Variants in PTPRA observed in about 807,000 individuals in gnomAD.
The protein encoded by PTPRA is receptor-type tyrosine-protein phosphatase alpha.
A neutral mutation model predicts 104.8 loss-of-function variants in PTPRA; 25 were observed. The ratio of observed to expected loss-of-function variants is 0.24; its 90% CI spans 0.17 to 0.33. The LOEUF is 0.33. Ranked by LOEUF, PTPRA falls within the 10% of genes least tolerant of loss-of-function variation. PTPRA has a pLI of 1.00. For missense variants in PTPRA, 765 were observed against 1,015.3 expected (o/e 0.75, Z 3.35); for synonymous variants, 323 against 368.9 (o/e 0.88, Z 1.43).
the PTPRA span, chr20:2,866,166 G>A: frequency 5.3e-4 from 820 of 1,560,646 alleles, 1 homozygote; most frequent in Non-Finnish European, 6.6e-4. Context: ...GAGGACAGGA[G>A]GGCTGTGCAT....
At chr20:2,883,777 TA>T in intron 1 of PTPRA, among the ~76,000 whole-genome samples, 1 of 152,330 alleles carries the variant, frequency 6.6e-6, no homozygotes, top group South Asian at 2.1e-4. Flanking sequence ...TTCTCCTTTT[TA>T]AAATGTACAG....
chr20:2,941,695 A>G (rs2060926788), intron 2 of PTPRA, among the ~76,000 whole-genome samples: 1 of 152,134 alleles, frequency 6.6e-6, no homozygotes, highest in Non-Finnish European at 1.5e-5. Context: ...GCTTCCTGGC[A>G]CCTGCTCCCC....
intron 20 of PTPRA, 142 bp downstream of exon 20, chr20:3,027,983 AAGT>A (rs2065228375): frequency 1.7e-6 from 2 of 1,170,154 alleles, no homozygotes; most frequent in East Asian, 5.0e-5. Flanking sequence ...TGCATAGTAT[AAGT>A]ACATACTTAA....
intron 1 of PTPRA, among the ~76,000 whole-genome samples, chr20:2,911,366 T>C (rs934143964): frequency 6.4e-4 from 98 of 152,312 alleles, no homozygotes; most frequent in African/African-American, 2.3e-3. Context: ...GTTACTAAGC[T>C]GAATGATAAG....
intron 1 of PTPRA, among the ~76,000 whole-genome samples, chr20:2,916,881 TCTTC>T (rs898955536): frequency 5.5e-4 from 84 of 152,248 alleles, no homozygotes; most frequent in African/African-American, 1.9e-3. Flanking sequence ...CCAACTTTGT[TCTTC>T]CTTTTCAAGA....
At position 3,026,924 on chromosome 20, in the gene PTPRA, G is replaced by A. The variant is rs2065174130; in HGVS notation, c.1708+144G>A. The A allele has an allele frequency of 6.4e-6, 6 of 940,986 alleles. No homozygotes were observed. The East Asian group carries it at 1.5e-4, about 24-fold the overall frequency. The allele number at this position is 940,986 out of a possible 1,614,324, so 58.3% of individuals were successfully genotyped here. On this transcript the variant is annotated intron_variant, in intron 18 of 23. Transcript: ENST00000399903. ...TCTTGTTGCACCCACTTAACAACAT[G>A]GCGTTGCCTTTTGTTGCACCTTAGT...
Position 2,934,023 on chromosome 20 carries a change from T to C in PTPRA, c.-50+10738T>C, listed in dbSNP as rs146469123. Among the ~76,000 whole-genome samples the C allele has an allele frequency of 2.4e-3, 373 of 152,330 alleles. 2 individuals are homozygous for C. The South Asian group carries it at 0.028, about 11-fold the overall frequency. ...ATTGTTATTTATATACTTAAAACTT[T>C]AAACCATTTTGGAATATTGCATGAA... On this transcript the variant is annotated intron_variant, in intron 2 of 23. Coordinates refer to ENST00000399903, the MANE Select transcript of PTPRA (RefSeq NM_001385305.1).
At chr20:3,026,894 T>C in intron 18 of PTPRA, 114 bp downstream of exon 18, 1 of 987,526 alleles carries the variant, frequency 1.0e-6, no homozygotes, top group Non-Finnish European at 1.6e-6. Context: ...AATCATGGCA[T>C]TGCCTCTTGT....
At chr20:2,974,704 T>C (rs2062356439) in intron 5 of PTPRA, among the ~76,000 whole-genome samples, 1 of 152,194 alleles carries the variant, frequency 6.6e-6, no homozygotes, top group East Asian at 1.9e-4. Context: ...GTTTTGATTT[T>C]TATTTTCAAA....
chr20:2,910,581 TTTTTTTTGTTTTTTTTTTG>T (rs2059673021), intron 1 of PTPRA, among the ~76,000 whole-genome samples: 2 of 75,374 alleles, frequency 2.7e-5, no homozygotes, highest in African/African-American at 6.6e-5. Flanking sequence ...CCAGCTAGTT[TTTTTTTTGTTTTTTTTTTG>T]TTTTTTTTAA....
At chr20:2,864,191 G>A in the PTPRA span, 4 of 1,614,192 alleles carry the variant, frequency 2.5e-6, no homozygotes, top group South Asian at 4.4e-5. This position sits in a 1 kb window ranked among gnomAD's most constrained non-coding sequence, Gnocchi z 5.2. Context: ...GCTGGAGTAT[G>A]AGCCACGCTC....
intron 2 of PTPRA, among the ~76,000 whole-genome samples, chr20:2,944,014 G>A (rs2061028350): frequency 6.6e-6 from 1 of 150,612 alleles, no homozygotes; most frequent in South Asian, 2.1e-4. Flanking sequence ...TCAATGCTGG[G>A]TAGCTGTTTG....
rs949400742 is a variant in PTPRA at position 2,955,691 on chromosome 20, C to T, written c.-7+7667C>T. The T allele has an allele frequency of 5.1e-6, 5 of 982,840 alleles. No homozygotes were observed. In the African/African-American group the frequency reaches 8.7e-5, roughly 17 times the overall value. 60.9% of individuals were successfully genotyped at this position (982,840 alleles called of 1,614,324 possible). ...AGAGTGCTGTTCCTACTCCACCCTCCCCTGGTGGTATGTATCAGTTTTCTA... is the reference window on the plus strand; with the variant it reads ...AGAGTGCTGTTCCTACTCCACCCTCTCCTGGTGGTATGTATCAGTTTTCTA... On this transcript the variant is annotated intron_variant, in intron 3 of 23. Transcript: ENST00000399903.
At chr20:2,981,846 C>T (rs1378336135) in intron 6 of PTPRA, among the ~76,000 whole-genome samples, 1 of 152,154 alleles carries the variant, frequency 6.6e-6, no homozygotes, top group Non-Finnish European at 1.5e-5. Context: ...TAGTTTTCAG[C>T]TGGAGGCTCT....
Position 3,008,110 on chromosome 20 carries a change from CA to C in PTPRA, c.906+694del, listed in dbSNP as rs1568693399. ...AGAAAAAAGAGAGAGGGAAAGCTGG[CA>C]AAAGCAAGTCTGACTCCTGATGCAA... is the stretch of plus-strand genomic sequence containing the variant. On this transcript the variant is annotated intron_variant, in intron 11 of 23. Transcript: ENST00000399903. 2.0e-5 allele frequency among the ~76,000 whole-genome samples: 3 copies of C among 152,244 alleles called. No individual in the cohort carries two copies. In the South Asian group the frequency reaches 6.2e-4, roughly 32 times the overall value.
intron 4 of PTPRA, 54 bp downstream of exon 4, chr20:2,964,404 T>G: frequency 7.2e-7 from 1 of 1,394,436 alleles, no homozygotes; most frequent in Middle Eastern, 1.8e-4. Flanking sequence ...GCTTTCACAT[T>G]TAATGAGCCA....
chr20:2,884,976 A>AT (rs2090298101), intron 1 of PTPRA, among the ~76,000 whole-genome samples: 1 of 151,670 alleles, frequency 6.6e-6, no homozygotes, highest in African/African-American at 2.4e-5. Context: ...CATCCAGCTA[A>AT]TTTTTTGTAT....
chr20:2,925,542 G>A (rs867567882), intron 2 of PTPRA, among the ~76,000 whole-genome samples: 2 of 152,164 alleles, frequency 1.3e-5, no homozygotes. Flanking sequence ...GGCTGAGTGT[G>A]GTGGCTCACG....
At chr20:3,002,322 ATTTTT>A (rs5839983) in intron 9 of PTPRA, among the ~76,000 whole-genome samples, 16 of 116,894 alleles carry the variant, frequency 1.4e-4, no homozygotes, top group African/African-American at 4.4e-4. Context: ...AAATGTAGTA[ATTTTT>A]TTTTTTTTTT....
Sources: gnomAD v4.1 joint callset for allele counts (sites outside exome capture counted in the v4.1 genomes callset) on GRCh38, gnomAD v4.1.1 for gene constraint, Gnocchi (gnomAD v3.1) non-coding constraint, MANE v1.5 for transcripts, NCBI Gene and HGNC (gene_info 2026-07-23, HGNC 2026-07-21) for gene names.